SMYD3: variants seen among roughly 807,000 people sequenced by gnomAD.
SMYD3 encodes the protein histone-lysine N-methyltransferase SMYD3.
In SMYD3, 36 loss-of-function variants were observed where a neutral mutation model predicts 57.7. The observed-to-expected ratio is 0.62, with a 90% confidence interval of 0.48 to 0.82. The LOEUF (loss-of-function observed/expected upper bound fraction) is 0.82, where lower values mean the gene tolerates loss of function less well. Among genes scored for constraint, SMYD3 ranks in the 40% least tolerant of loss-of-function variants. SMYD3 has a pLI of 0.00. For synonymous variants in SMYD3, 211 were observed against 195.0 expected, an observed-to-expected ratio of 1.08 and a Z score of -0.68; for missense variants, 515 against 538.8, an observed-to-expected ratio of 0.96 and a Z score of 0.44.
chr1:245,925,785 G>A (rs917560877), intron 7 of SMYD3, among the ~76,000 whole-genome samples: 1 of 152,134 alleles, frequency 6.6e-6, no homozygotes, highest in South Asian at 2.1e-4. Flanking sequence ...AAATAGAGAG[G>A]TCTCCAAAAC....
intron 1 of SMYD3, among the ~76,000 whole-genome samples, chr1:246,499,293 G>A (rs1342989535): frequency 6.6e-6 from 1 of 151,554 alleles, no homozygotes; most frequent in African/African-American, 2.4e-5. Flanking sequence ...AACAAAGCGA[G>A]ACTCTATCTC....
At chr1:245,963,522 A>T (rs10924411) in intron 5 of SMYD3, among the ~76,000 whole-genome samples, 2 of 151,292 alleles carry the variant, frequency 1.3e-5, no homozygotes, top group African/African-American at 2.4e-5. Context: ...GGGAGGGATA[A>T]GCTTTTGTGA....
intron 10 of SMYD3, among the ~76,000 whole-genome samples, chr1:245,787,950 G>A (rs2047113565): frequency 6.6e-6 from 1 of 152,206 alleles, no homozygotes; most frequent in African/African-American, 2.4e-5. Context: ...CCTTGCTGCT[G>A]AAGTGTCCTT....
chr1:245,758,329 T>C (rs1250429314), intron 11 of SMYD3, among the ~76,000 whole-genome samples: 1 of 152,194 alleles, frequency 6.6e-6, no homozygotes, highest in East Asian at 1.9e-4. Flanking sequence ...TGAGATCATG[T>C]CATCTGTATA....
intron 5 of SMYD3, among the ~76,000 whole-genome samples, chr1:246,176,104 G>A (rs974655681): frequency 1.3e-5 from 2 of 152,046 alleles, no homozygotes; most frequent in Non-Finnish European, 2.9e-5. Flanking sequence ...TTTTTATTTC[G>A]TTCCAGTACT....
At chr1:246,251,257 T>TA (rs1195680942) in intron 5 of SMYD3, among the ~76,000 whole-genome samples, 2 of 152,200 alleles carry the variant, frequency 1.3e-5, no homozygotes, top group Non-Finnish European at 2.9e-5. Context: ...TCTTTTCTGA[T>TA]AAAGGAAAGC....
At chr1:245,939,903 T>C (rs536125965) in intron 5 of SMYD3, among the ~76,000 whole-genome samples, 1 of 152,292 alleles carries the variant, frequency 6.6e-6, no homozygotes, top group Non-Finnish European at 1.5e-5. Flanking sequence ...GGCCTTCATG[T>C]CATTGAAAAA....
chr1:246,433,747 A>G (rs2067331766), intron 1 of SMYD3, among the ~76,000 whole-genome samples: 1 of 152,170 alleles, frequency 6.6e-6, no homozygotes, highest in Admixed American at 6.5e-5. Context: ...TACCAACATC[A>G]TTTTTCACAG....
chr1:245,896,361 A>G (rs1460130687), intron 8 of SMYD3, among the ~76,000 whole-genome samples: 1 of 145,896 alleles, frequency 6.9e-6, no homozygotes, highest in Non-Finnish European at 1.5e-5. Flanking sequence ...AAATATAAAA[A>G]CAGGAACCAA....
intron 5 of SMYD3, among the ~76,000 whole-genome samples, chr1:245,942,758 T>C (rs575459595): frequency 3.3e-4 from 50 of 152,242 alleles, no homozygotes; most frequent in African/African-American, 1.1e-3. Flanking sequence ...AATCAGCAAA[T>C]GCAAAATAAC....
intron 5 of SMYD3, among the ~76,000 whole-genome samples, chr1:246,267,982 A>C (rs966652408): frequency 1.3e-5 from 2 of 152,148 alleles, no homozygotes; most frequent in African/African-American, 4.8e-5. Flanking sequence ...CACCATTCCC[A>C]GGTGTGCAGT....
chr1:246,283,770 C>T (rs558842746), intron 5 of SMYD3, among the ~76,000 whole-genome samples: 4 of 152,276 alleles, frequency 2.6e-5, no homozygotes, highest in African/African-American at 9.6e-5. Flanking sequence ...GATCTGCTTG[C>T]AGTATCTTTT....
intron 5 of SMYD3, among the ~76,000 whole-genome samples, chr1:246,158,588 T>A (rs564453773): frequency 6.6e-6 from 1 of 152,320 alleles, no homozygotes; most frequent in African/African-American, 2.4e-5. Flanking sequence ...AACTATTGAT[T>A]GAAAAATATG....
At chr1:246,165,328 C>A (rs962756106) in intron 5 of SMYD3, among the ~76,000 whole-genome samples, 21 of 152,130 alleles carry the variant, frequency 1.4e-4, no homozygotes, top group Non-Finnish European at 7.4e-5. Context: ...AGAGGTGGAG[C>A]AAAGGCATTA....
At position 246,374,050 on chromosome 1, in the gene SMYD3, C is replaced by T. The variant is rs148650317; in HGVS notation, c.165-18956G>A. Among the ~76,000 whole-genome samples, 486 of 152,238 alleles carry T rather than the reference C, an allele frequency of 3.2e-3. 5 individuals carry two copies. Among genetic ancestry groups the T allele is most frequent in the African/African-American group, 0.01 (430 of 41,540 alleles). On this transcript the variant is annotated intron_variant, in intron 1 of 11. Coordinates refer to ENST00000490107, the MANE Select transcript of SMYD3 (RefSeq NM_001167740.2). ...CAAAAACCACCCCACTCTTTCCTAG[C>T]ATGAAGAAATACTGTGATTTGCTGA...
rs2045238396 is a variant in SMYD3 at position 245,749,449 on chromosome 1, CG to C, written c.*113del. On this transcript the variant is annotated 3_prime_UTR_variant, in exon 12 of 12. Transcript: ENST00000490107. Reference sequence around the variant, plus strand: ...CTGCCTTTATTTACCTACACAAACACGGAACAGAATTTCCAATAGGAGAGGT... The same window carrying C: ...CTGCCTTTATTTACCTACACAAACACGAACAGAATTTCCAATAGGAGAGGT... The C allele has an allele frequency of 1.3e-6, 1 of 756,024 alleles. No homozygotes were observed. The highest frequency in any genetic ancestry group is 2.2e-6 in the Non-Finnish European group (1 of 455,006). The allele number at this position is 756,024 out of a possible 1,614,324, so 46.8% of individuals were successfully genotyped here.
chr1:245,984,760 C>T (rs988211694), intron 5 of SMYD3, among the ~76,000 whole-genome samples: 1 of 152,166 alleles, frequency 6.6e-6, no homozygotes, highest in Non-Finnish European at 1.5e-5. Context: ...GCTTCTTTCC[C>T]TAAGCATATA....
intron 10 of SMYD3, among the ~76,000 whole-genome samples, chr1:245,855,321 G>A (rs1449982496): frequency 2.0e-5 from 2 of 99,590 alleles, no homozygotes; most frequent in Non-Finnish European, 6.1e-5. Flanking sequence ...GTTTTTAGGG[G>A]CTGGGGGGGG....
chr1:246,375,325 C>CTTT (rs60882470), intron 1 of SMYD3, among the ~76,000 whole-genome samples: 1 of 62,264 alleles, frequency 1.6e-5, no homozygotes, highest in African/African-American at 5.8e-5. Context: ...TAATGAGAGA[C>CTTT]TTTTTTTTTT....
Sources: gnomAD v4.1 joint callset for allele counts (sites outside exome capture counted in the v4.1 genomes callset) on GRCh38, gnomAD v4.1.1 for gene constraint, MANE v1.5 for transcripts, NCBI Gene and HGNC (gene_info 2026-07-23, HGNC 2026-07-21) for gene names.